The following KIF16B variants were observed in gnomAD, a reference collection of about 807,000 sequenced individuals.
KIF16B encodes the protein kinesin family member 16B.
A neutral mutation model predicts 156.3 loss-of-function variants in KIF16B; 98 were observed. The ratio of observed to expected loss-of-function variants is 0.63; its 90% CI spans 0.53 to 0.74. The LOEUF (loss-of-function observed/expected upper bound fraction) is 0.74, where lower values mean the gene tolerates loss of function less well. Among genes scored for constraint, KIF16B ranks in the 30% least tolerant of loss-of-function variants. KIF16B has a pLI of 0.00. For missense variants in KIF16B, 1,421 were observed against 1,606.5 expected (o/e 0.88, Z 1.97); for synonymous variants, 564 against 583.7 (o/e 0.97, Z 0.49).
Position 16,379,299 on chromosome 20 carries a change from C to G in KIF16B, c.2703G>C (p.Arg901Ser). ...DFEKIKPVEY[R>S]LQYKERQLQY... ...GTAGCTGGCGTTCTTTATATTGCAGCCTGTACTCCACTGGCTTTATTTTCT... is the reference window on the plus strand; with the variant it reads ...GTAGCTGGCGTTCTTTATATTGCAGGCTGTACTCCACTGGCTTTATTTTCT... Residue 901 changes from arginine to serine, a missense_variant, in exon 19 of 26, where the codon AGG becomes AGC. Coordinates refer to ENST00000354981, the MANE Select transcript of KIF16B (RefSeq NM_024704.5). 1.2e-6 allele frequency: 2 copies of G among 1,612,892 alleles called. No homozygotes were observed. Among genetic ancestry groups the G allele is most frequent in the African/African-American group, 1.3e-5 (1 of 74,966 alleles).
chr20:16,388,246 G>A (rs2065274077), intron 17 of KIF16B, among the ~76,000 whole-genome samples: 1 of 152,162 alleles, frequency 6.6e-6, no homozygotes. Flanking sequence ...GATATGAGTT[G>A]CTGCTCACAC....
intron 3 of KIF16B, among the ~76,000 whole-genome samples, chr20:16,521,804 C>T (rs1296357811): frequency 6.6e-6 from 1 of 152,158 alleles, no homozygotes; most frequent in African/African-American, 2.4e-5. Flanking sequence ...GGAAGCCCAT[C>T]AGACTAACAG....
At chr20:16,390,119 A>C (rs1443763596) in intron 17 of KIF16B, among the ~76,000 whole-genome samples, 1 of 152,216 alleles carries the variant, frequency 6.6e-6, no homozygotes, top group African/African-American at 2.4e-5. Flanking sequence ...TAAACGTCAG[A>C]GTTTATAACT....
Position 16,504,430 on chromosome 20 carries a change from A to G in KIF16B, c.1118T>C (p.Ile373Thr), listed in dbSNP as rs984334064. The G allele has an allele frequency of 5.0e-6, 8 of 1,614,038 alleles. No individual in the cohort carries two copies. Among genetic ancestry groups the G allele is most frequent in the Non-Finnish European group, 5.9e-6 (7 of 1,180,008 alleles). Residue 373 changes from isoleucine (I) to threonine (T), a missense_variant, in exon 10 of 26, where the codon ATC becomes ACC. Ile to Thr is a moderately conservative substitution (Grantham distance 89). Coordinates refer to ENST00000354981, the MANE Select transcript of KIF16B (RefSeq NM_024704.5). The stretch of plus-strand genomic sequence containing the variant: ...GGCTATTTCAGCTCGCAGCTCACGG[A>G]TAAGTTTGACGTTGGCATCCTCATT... ...TINEDANVKL[I>T]RELRAEIARL...
intron 12 of KIF16B, among the ~76,000 whole-genome samples, chr20:16,448,016 G>A (rs979577015): frequency 1.3e-5 from 2 of 152,162 alleles, no homozygotes; most frequent in South Asian, 4.1e-4. Context: ...CTTAAGACAG[G>A]AAGATTTCTA....
At chr20:16,354,551 C>G (rs1472631558) in intron 23 of KIF16B, among the ~76,000 whole-genome samples, 1 of 151,528 alleles carries the variant, frequency 6.6e-6, no homozygotes, top group Non-Finnish European at 1.5e-5. Context: ...AGAAATTGAC[C>G]AGGAGATAGA....
intron 1 of KIF16B, among the ~76,000 whole-genome samples, chr20:16,572,036 G>A (rs886188352): frequency 6.6e-6 from 1 of 152,102 alleles, no homozygotes; most frequent in Non-Finnish European, 1.5e-5. Flanking sequence ...AAGAAAAATC[G>A]TTCTAAAGTT....
chr20:16,515,587 T>C lies in KIF16B; in HGVS notation c.309A>G (p.Gln103=). The C allele has an allele frequency of 1.2e-6, 2 of 1,611,464 alleles. No homozygotes were observed. The highest frequency in any genetic ancestry group is 1.7e-6 in the Non-Finnish European group (2 of 1,177,746). ...TAGTGTATGACTTTCCAGATCCAGTTTGCCCATATGCAAAGACACAAGCAT... is the reference window on the plus strand; with the variant it reads ...TAGTGTATGACTTTCCAGATCCAGTCTGCCCATATGCAAAGACACAAGCAT... The part of the protein sequence containing the change: ...GYNACVFAYG[Q]TGSGKSYTMM... Residue 103 remains glutamine (Q), a synonymous_variant, in exon 4 of 26, where the codon CAA becomes CAG. Transcript: ENST00000354981.
intron 25 of KIF16B, among the ~76,000 whole-genome samples, chr20:16,290,627 C>T (rs2063301015): frequency 6.6e-6 from 1 of 152,204 alleles, no homozygotes. Context: ...CTTGGGAGCT[C>T]TTCCTGAGTG....
intron 24 of KIF16B, among the ~76,000 whole-genome samples, chr20:16,332,623 T>C (rs994091535): frequency 3.3e-5 from 5 of 152,108 alleles, no homozygotes; most frequent in African/African-American, 4.8e-5. Flanking sequence ...TTAGCTAACA[T>C]TGAGATCCTG....
chr20:16,469,988 G>T (rs1249636898), intron 12 of KIF16B, among the ~76,000 whole-genome samples: 1 of 151,980 alleles, frequency 6.6e-6, no homozygotes, highest in African/African-American at 2.4e-5. Flanking sequence ...CCAAACAATG[G>T]AATATTAATC....
intron 24 of KIF16B, among the ~76,000 whole-genome samples, chr20:16,327,849 T>G (rs2063882412): frequency 6.6e-6 from 1 of 152,150 alleles, no homozygotes; most frequent in African/African-American, 2.4e-5. Context: ...GCTGAGGGCT[T>G]GGTGCAACTG....
intron 1 of KIF16B, among the ~76,000 whole-genome samples, chr20:16,560,446 G>A (rs1448047131): frequency 6.6e-6 from 1 of 152,168 alleles, no homozygotes; most frequent in Non-Finnish European, 1.5e-5. Context: ...CAGGCCCCTG[G>A]GGCAAAGGAC....
chr20:16,404,671 G>C, intron 17 of KIF16B, 142 bp downstream of exon 17: 1 of 634,168 alleles, frequency 1.6e-6, no homozygotes, highest in Admixed American at 2.5e-5. Context: ...GGGCTGGAAA[G>C]GAACTCGGAA....
intron 12 of KIF16B, among the ~76,000 whole-genome samples, chr20:16,493,141 C>T (rs1026961122): frequency 6.6e-6 from 1 of 152,158 alleles, no homozygotes; most frequent in African/African-American, 2.4e-5. Context: ...AGTCTGAATG[C>T]AGAAACCCTC....
At chr20:16,285,946 C>G (rs899228624) in intron 25 of KIF16B, among the ~76,000 whole-genome samples, 4 of 152,220 alleles carry the variant, frequency 2.6e-5, no homozygotes, top group Admixed American at 2.6e-4. Context: ...GTTCACTTAA[C>G]AACTTACACT....
At chr20:16,442,711 G>A (rs2066836458) in intron 12 of KIF16B, among the ~76,000 whole-genome samples, 1 of 152,060 alleles carries the variant, frequency 6.6e-6, no homozygotes, top group Non-Finnish European at 1.5e-5. Context: ...GGCAAAATGA[G>A]GTCTTCTCTA....
At chr20:16,473,460 G>C (rs1028156456) in intron 12 of KIF16B, among the ~76,000 whole-genome samples, 2 of 152,158 alleles carry the variant, frequency 1.3e-5, no homozygotes, top group African/African-American at 4.8e-5. Flanking sequence ...AATCTGGGGA[G>C]GATACATATT....
chr20:16,471,894 A>G (rs962523002), intron 12 of KIF16B, among the ~76,000 whole-genome samples: 2 of 152,244 alleles, frequency 1.3e-5, no homozygotes, highest in Non-Finnish European at 2.9e-5. Flanking sequence ...CTGTGATTAC[A>G]CAAACACCAA....
Sources: gnomAD v4.1 joint callset for allele counts (sites outside exome capture counted in the v4.1 genomes callset) on GRCh38, gnomAD v4.1.1 for gene constraint, MANE v1.5 for transcripts, NCBI Gene and HGNC (gene_info 2026-07-23, HGNC 2026-07-21) for gene names.